APOE: variants seen among roughly 807,000 people sequenced by gnomAD.
APOE encodes apolipoprotein E.
A neutral mutation model predicts 13.1 loss-of-function variants in APOE; 10 were observed. The observed-to-expected ratio is 0.76, with a 90% CI of 0.47 to 1.29. APOE has a LOEUF of 1.29. Among genes scored for constraint, APOE ranks in the 50% most tolerant of loss-of-function variants. The pLI is 0.00. For synonymous variants in APOE, 211 were observed against 207.1 expected (o/e 1.02, Z -0.16); for missense variants, 471 against 459.6 (o/e 1.02, Z -0.23).
chr19:44,908,543 G>A lies in APOE; in HGVS notation c.247G>A (p.Asp83Asn). 1 of 1,613,690 alleles carries A rather than the reference G, an allele frequency of 6.2e-7. No homozygotes were observed. Among genetic ancestry groups the A allele is most frequent in the Non-Finnish European group, 8.5e-7 (1 of 1,179,710 alleles). Residue 83 changes from aspartate (D) to asparagine (N), a missense_variant, in exon 4 of 4, where the codon GAC becomes AAC. Transcript: ENST00000252486. ...QVTQELRALM[D>N]ETMKELKAYK... ...CCCTCTCGGCCGCAGGGCGCTGATG[G>A]ACGAGACCATGAAGGAGTTGAAGGC... is the stretch of plus-strand genomic sequence containing the variant.
In APOE at chr19:44,907,298, C is replaced by T. The variant is rs918661052; in HGVS notation, c.44-462C>T. The T allele has an allele frequency of 3.8e-6, 1 of 261,072 alleles. No individual in the cohort carries two copies. The highest frequency in any genetic ancestry group is 2.2e-5 in the African/African-American group (1 of 45,456). 16.2% of individuals were successfully genotyped at this position (261,072 alleles called of 1,614,324 possible). A position where few individuals can be genotyped will look rare whatever the true frequency, so the allele number is the denominator to read the frequency against. On this transcript the variant is annotated intron_variant, in intron 2 of 3. Coordinates refer to ENST00000252486, the MANE Select transcript of APOE (RefSeq NM_000041.4). This position sits in a 1 kb window ranked among gnomAD's most constrained non-coding sequence, Gnocchi z 4.1. ...GCCCTGCCTGGGGCACACAAGGACA[C>T]TCAATACATGCTTTTCCGCTGGGCG...
Position 44,908,584 on chromosome 19 carries a change from G to A in APOE, c.288G>A (p.Leu96=). 6.2e-7 allele frequency: 1 copy of A among 1,613,616 alleles called. No homozygotes were observed. The highest frequency in any genetic ancestry group is 8.5e-7 in the Non-Finnish European group (1 of 1,179,660). Residue 96 remains leucine (L), a synonymous_variant, in exon 4 of 4, where the codon CTG becomes CTA. Coordinates refer to ENST00000252486, the MANE Select transcript of APOE (RefSeq NM_000041.4). ...AGTTGAAGGCCTACAAATCGGAACT[G>A]GAGGAACAACTGACCCCGGTGGCGG... ...MKELKAYKSE[L]EEQLTPVAEE...
rs1473984151 is a variant in APOE at position 44,906,619 on chromosome 19, AG to A, written c.-4del. On this transcript the variant is annotated 5_prime_UTR_variant, in exon 2 of 4. Coordinates refer to ENST00000252486, the MANE Select transcript of APOE (RefSeq NM_000041.4). The stretch of plus-strand genomic sequence containing the variant: ...TTCCCCAGACTGGCCAATCACAGGC[AG>A]GAAGATGAAGGTTCTGTGGGCTGCG... The A allele has an allele frequency of 1.9e-6, 3 of 1,614,002 alleles. No individual in the cohort carries two copies. Among genetic ancestry groups the A allele is most frequent in the Non-Finnish European group, 2.5e-6 (3 of 1,180,026 alleles).
intron 3 of APOE, among the ~76,000 whole-genome samples, chr19:44,908,200 C>T (rs1969846397): frequency 6.6e-6 from 1 of 152,152 alleles, no homozygotes; most frequent in South Asian, 2.1e-4. Context: ...CCTTCCCTAG[C>T]TCTTTTATAT....
rs558171988 is a variant in APOE at position 44,906,993 on chromosome 19, G to C, written c.43+326G>C. 18 of 363,588 alleles carry C rather than the reference G, an allele frequency of 5.0e-5. No homozygotes were observed. In the East Asian group the frequency reaches 1.1e-3, roughly 21 times the overall value. 22.5% of individuals were successfully genotyped at this position (363,588 alleles called of 1,614,324 possible). On this transcript the variant is annotated intron_variant, in intron 2 of 3. Coordinates refer to ENST00000252486, the MANE Select transcript of APOE (RefSeq NM_000041.4). ...CCTCCCAGGTCCACGCCATTCTCCT[G>C]CCTCAGCCTCCCAAGTAGCTGGGAC...
At chr19:44,906,117 C>T (rs1969802056) in intron 1 of APOE, among the ~76,000 whole-genome samples, 1 of 152,058 alleles carries the variant, frequency 6.6e-6, no homozygotes, top group Non-Finnish European at 1.5e-5. Context: ...TATCATTTAT[C>T]GAGCACCTAC....
In APOE at chr19:44,907,643, C is replaced by A; in HGVS notation, c.44-117C>A. On this transcript the variant is annotated intron_variant, in intron 2 of 3. Transcript: ENST00000252486. The surrounding 1 kb of genome is among the most constrained non-coding windows in gnomAD (Gnocchi z 4.1). ...GTGATTAAACCGACTCCCCCCTCAC[C>A]CTGCCCACCATGGCTCCAAAGAAGC... 1.1e-6 allele frequency: 1 copy of A among 887,040 alleles called. No homozygotes were observed. Among genetic ancestry groups the A allele is most frequent in the South Asian group, 1.4e-5 (1 of 70,522 alleles). The allele number at this position is 887,040 out of a possible 1,614,324, so 54.9% of individuals were successfully genotyped here.
At chr19:44,906,532 CG>C in intron 1 of APOE, 69 bp from the exon 2 acceptor site, 1 of 1,556,216 alleles carries the variant, frequency 6.4e-7, no homozygotes. Flanking sequence ...GGGGTGAGGC[CG>C]GGTTGGGGCC....
intron 1 of APOE, 186 bp downstream of exon 1, chr19:44,906,027 G>A: frequency 1.2e-6 from 1 of 816,126 alleles, no homozygotes; most frequent in East Asian, 6.9e-5. Context: ...CAGCAGAGAC[G>A]ACCCGACCCG....
chr19:44,908,587 G>A lies in APOE; in HGVS notation c.291G>A (p.Glu97=), dbSNP rs1969855904. The part of the protein sequence containing the change: ...KELKAYKSEL[E]EQLTPVAEET... ...TGAAGGCCTACAAATCGGAACTGGAGGAACAACTGACCCCGGTGGCGGAGG... is the reference window on the plus strand; with the variant it reads ...TGAAGGCCTACAAATCGGAACTGGAAGAACAACTGACCCCGGTGGCGGAGG... The change falls in exon 4 of 4, where the codon GAG becomes GAA. Residue 97 remains glutamate (E), a synonymous_variant. Transcript: ENST00000252486. 6.2e-7 allele frequency: 1 copy of A among 1,613,500 alleles called. No individual in the cohort carries two copies. The highest frequency in any genetic ancestry group is 8.5e-7 in the Non-Finnish European group (1 of 1,179,670).
Position 44,908,411 on chromosome 19 carries a change from C to A in APOE, c.237-122C>A, listed in dbSNP as rs1050172473. 1.8e-5 allele frequency: 17 copies of A among 966,642 alleles called. No homozygotes were observed. In the African/African-American group the frequency reaches 2.4e-4, roughly 14 times the overall value. 59.9% of individuals were successfully genotyped at this position (966,642 alleles called of 1,614,324 possible). A position where few individuals can be genotyped will look rare whatever the true frequency, so the allele number is the denominator to read the frequency against. ...ATCTGTCTCTGTCTCCTTCTCTCGG[C>A]CTCTGCCCCGTTCCTTCTCTCCCTC... On this transcript the variant is annotated intron_variant, in intron 3 of 3. Transcript: ENST00000252486.
chr19:44,906,731 C>CT, intron 2 of APOE, 64 bp downstream of exon 2: 1 of 1,553,158 alleles, frequency 6.4e-7, no homozygotes, highest in Non-Finnish European at 8.9e-7. Context: ...CCTCAACCTC[C>CT]TGGCCCCATT....
chr19:44,908,756 C>A lies in APOE; in HGVS notation c.460C>A (p.Arg154Ser), dbSNP rs121918393. Residue 154 changes from arginine to serine, a missense_variant, in exon 4 of 4, where the codon CGC (arginine) becomes AGC (serine). Arg to Ser is a moderately radical substitution (Grantham distance 110). Transcript: ENST00000252486. Reference protein sequence around the residue: ...LGQSTEELRVRLASHLRKLRK... With the variant: ...LGQSTEELRVSLASHLRKLRK... The stretch of plus-strand genomic sequence containing the variant: ...CCAGAGCACCGAGGAGCTGCGGGTG[C>A]GCCTCGCCTCCCACCTGCGCAAGCT... 3.3e-5 allele frequency: 52 copies of A among 1,559,738 alleles called. No homozygotes were observed. The highest frequency in any genetic ancestry group is 1.5e-4 in the Admixed American group (8 of 52,080).
chr19:44,908,837 C>G lies in APOE; in HGVS notation c.541C>G (p.Gln181Glu), dbSNP rs1434405741. The change falls in exon 4 of 4, where the codon CAG (glutamine) becomes GAG (glutamate). Residue 181 changes from glutamine to glutamate, a missense_variant. Physicochemically the swap from Gln to Glu is conservative, Grantham distance 29. Coordinates refer to ENST00000252486, the MANE Select transcript of APOE (RefSeq NM_000041.4). ...DDLQKRLAVY[Q>E]AGAREGAERG... is the part of the protein sequence containing the mutation. ...CCTGCAGAAGCGCCTGGCAGTGTAC[C>G]AGGCCGGGGCCCGCGAGGGCGCCGA... The G allele has an allele frequency of 8.5e-6, 13 of 1,533,002 alleles. No individual in the cohort carries two copies. The Admixed American group carries it at 1.8e-4, about 21-fold the overall frequency. 95.0% of individuals were successfully genotyped at this position (1,533,002 alleles called of 1,614,324 possible).
At chr19:44,905,868 G>A in intron 1 of APOE, 27 bp downstream of exon 1, 2 of 1,295,112 alleles carry the variant, frequency 1.5e-6, no homozygotes, top group Non-Finnish European at 2.0e-6. Context: ...GGGGCACGGG[G>A]ATGAGCTCAG....
chr19:44,906,160 C>A (rs1170411994), intron 1 of APOE, among the ~76,000 whole-genome samples: 4 of 152,122 alleles, frequency 2.6e-5, no homozygotes, highest in Non-Finnish European at 5.9e-5. Context: ...ATCTCCATAA[C>A]TGGGGAGCCA....
rs1969866587 is a variant in APOE, at chr19:44,908,770, C to A, written c.474C>A (p.His158Gln). The change falls in exon 4 of 4, where the codon CAC becomes CAA. Residue 158 changes from histidine to glutamine, a missense_variant. By Grantham distance (24) the His-to-Gln change is conservative (BLOSUM62 0). Transcript: ENST00000252486. ...AGCTGCGGGTGCGCCTCGCCTCCCA[C>A]CTGCGCAAGCTGCGTAAGCGGCTCC... Reference protein sequence around the residue: ...TEELRVRLASHLRKLRKRLLR... With the variant: ...TEELRVRLASQLRKLRKRLLR... 1.3e-6 allele frequency: 2 copies of A among 1,560,740 alleles called. No individual in the cohort carries two copies. The highest frequency in any genetic ancestry group is 3.8e-5 in the Admixed American group (2 of 52,380).
chr19:44,908,577 C>T lies in APOE; in HGVS notation c.281C>T (p.Ser94Leu). 2 of 1,613,660 alleles carry T rather than the reference C, an allele frequency of 1.2e-6. No homozygotes were observed. The highest frequency in any genetic ancestry group is 1.7e-4 in the Middle Eastern group (1 of 6,056). The change falls in exon 4 of 4, where the codon TCG (serine) becomes TTG (leucine). Residue 94 changes from serine to leucine, a missense_variant. Coordinates refer to ENST00000252486, the MANE Select transcript of APOE (RefSeq NM_000041.4). ...ATGAAGGAGTTGAAGGCCTACAAATCGGAACTGGAGGAACAACTGACCCCG... is the reference window on the plus strand; with the variant it reads ...ATGAAGGAGTTGAAGGCCTACAAATTGGAACTGGAGGAACAACTGACCCCG... ...ETMKELKAYKSELEEQLTPVA... is the reference protein window; with the variant it reads ...ETMKELKAYKLELEEQLTPVA...
At position 44,908,602 on chromosome 19, in the gene APOE, G is replaced by A. The variant is rs368495194; in HGVS notation, c.306G>A (p.Pro102=). ...YKSELEEQLT[P]VAEETRARLS... ...CGGAACTGGAGGAACAACTGACCCC[G>A]GTGGCGGAGGAGACGCGGGCACGGC... Residue 102 remains proline (P), a synonymous_variant, in exon 4 of 4, where the codon CCG becomes CCA. Transcript: ENST00000252486. 3.1e-6 allele frequency: 5 copies of A among 1,612,628 alleles called. No individual in the cohort carries two copies. The African/African-American group carries it at 4.0e-5, about 13-fold the overall frequency.
Sources: allele counts gnomAD v4.1 joint callset (sites outside exome capture counted in the v4.1 genomes callset), GRCh38; gene constraint gnomAD v4.1.1; non-coding constraint Gnocchi (gnomAD v3.1); transcripts MANE v1.5; gene names NCBI Gene and HGNC (gene_info 2026-07-23, HGNC 2026-07-21).